Variants in PTPRD observed in about 807,000 individuals in gnomAD.
PTPRD encodes the protein protein tyrosine phosphatase receptor type D.
In PTPRD, 34 loss-of-function variants were observed where a neutral mutation model predicts 214.5. The ratio of observed to expected loss-of-function variants is 0.16; its 90% CI spans 0.12 to 0.21. The LOEUF (loss-of-function observed/expected upper bound fraction) is 0.21. PTPRD is among the 10% of genes least tolerant of loss of function. PTPRD has a pLI of 1.00. For synonymous variants in PTPRD, 1,128 were observed against 845.7 expected (o/e 1.33, Z -5.79); for missense variants, 2,545 against 2,398.7 (o/e 1.06, Z -1.27).
intron 9 of PTPRD, among the ~76,000 whole-genome samples, chr9:9,260,002 G>T (rs1005654864): frequency 5.3e-5 from 8 of 151,840 alleles, no homozygotes; most frequent in African/African-American, 1.9e-4. Flanking sequence ...CCTGATATTT[G>T]CCCTAAATCT....
At chr9:10,363,997 T>TTGTTGC (rs769486650) in intron 2 of PTPRD, among the ~76,000 whole-genome samples, 337 of 31,266 alleles carry the variant, frequency 0.011, 51 homozygotes, top group Middle Eastern at 0.095. Context: ...TCGGGTTTTT[T>TTGTTGC]TTTTTTTTTT....
rs761564011 is a variant in PTPRD at position 8,891,137 on chromosome 9, A to ATTTTTTTTTTTTTTTTTTTTTTTT, written c.-104+127559_-104+127560insAAAAAAAAAAAAAAAAAAAAAAAA. 6.5e-5 allele frequency among the ~76,000 whole-genome samples: 8 copies of ATTTTTTTTTTTTTTTTTTTTTTTT among 123,622 alleles called. 1 individual carries two copies. The highest frequency in any genetic ancestry group is 2.5e-4 in the African/African-American group (8 of 31,654). 81.1% of individuals were successfully genotyped at this position (123,622 alleles called of 152,430 possible). ...AACTTCTGTGCTTTGAATTAATCTA[A>ATTTTTTTTTTTTTTTTTTTTTTTT]TTTTTTTTTTTTTTGAGACTGAGTC... On this transcript the variant is annotated intron_variant, in intron 11 of 45. Coordinates refer to ENST00000381196, the MANE Select transcript of PTPRD (RefSeq NM_002839.4).
chr9:9,161,494 G>A (rs1046133419), intron 10 of PTPRD, among the ~76,000 whole-genome samples: 1 of 152,070 alleles, frequency 6.6e-6, no homozygotes, highest in African/African-American at 2.4e-5. Context: ...TCCAAGCCAG[G>A]CAGTTTAGCA....
intron 6 of PTPRD, among the ~76,000 whole-genome samples, 172 bp from the exon 7 acceptor site, chr9:9,734,743 T>G (rs2098262655): frequency 6.6e-6 from 1 of 152,090 alleles, no homozygotes; most frequent in African/African-American, 2.4e-5. Context: ...TAACTTAAAC[T>G]GAAGTGTTTA....
intron 7 of PTPRD, among the ~76,000 whole-genome samples, chr9:9,580,565 T>C (rs1054972547): frequency 1.4e-5 from 2 of 147,974 alleles, no homozygotes; most frequent in Non-Finnish European, 3.0e-5. Context: ...TTTTTTTTTT[T>C]TGAGACAGAG....
chr9:9,314,964 G>A (rs1460813219), intron 9 of PTPRD, among the ~76,000 whole-genome samples: 2 of 151,772 alleles, frequency 1.3e-5, no homozygotes, highest in Non-Finnish European at 2.9e-5. Flanking sequence ...TCCTGATCTT[G>A]CCTTTCTGCT....
At chr9:10,093,564 C>A (rs1241387379) in intron 3 of PTPRD, among the ~76,000 whole-genome samples, 1 of 151,388 alleles carries the variant, frequency 6.6e-6, no homozygotes, top group Non-Finnish European at 1.5e-5. Context: ...CTTAAAAGTA[C>A]TTTTTGACCT....
At chr9:9,538,946 T>C (rs2077040783) in intron 8 of PTPRD, among the ~76,000 whole-genome samples, 1 of 151,896 alleles carries the variant, frequency 6.6e-6, no homozygotes, top group South Asian at 2.1e-4. Flanking sequence ...GAGTACTTCC[T>C]AGTGCCAGAC....
intron 5 of PTPRD, among the ~76,000 whole-genome samples, chr9:9,880,100 C>A (rs1410965301): frequency 2.0e-5 from 3 of 152,064 alleles, no homozygotes; most frequent in East Asian, 1.9e-4. Flanking sequence ...ATCATGGGGG[C>A]AGTTCCCTGA....
rs115436131 is a variant in PTPRD, at chr9:9,689,409, G to C, written c.-287+45124C>G. Reference sequence around the variant, plus strand: ...ATATATAAGAGATGCACATGTTTCAGGGTTTATGTAACTTTTGATGCATTT... The same window carrying C: ...ATATATAAGAGATGCACATGTTTCACGGTTTATGTAACTTTTGATGCATTT... On this transcript the variant is annotated intron_variant, in intron 7 of 45. Transcript: ENST00000381196. Among the ~76,000 whole-genome samples the C allele has an allele frequency of 2.5e-3, 373 of 151,754 alleles. 1 individual carries two copies. The highest frequency in any genetic ancestry group is 8.6e-3 in the African/African-American group (356 of 41,480).
intron 35 of PTPRD, among the ~76,000 whole-genome samples, chr9:8,429,797 CA>C (rs1431580776): frequency 1.3e-5 from 2 of 152,148 alleles, no homozygotes; most frequent in African/African-American, 4.8e-5. Flanking sequence ...GTGATGAGAA[CA>C]AAACAGATCA....
chr9:10,056,766 T>C (rs76542932), intron 3 of PTPRD, among the ~76,000 whole-genome samples: 3 of 152,134 alleles, frequency 2.0e-5, no homozygotes, highest in East Asian at 1.9e-4. Context: ...ATTCTCCCTA[T>C]GTATGGGTTA....
intron 14 of PTPRD, among the ~76,000 whole-genome samples, chr9:8,531,551 T>A (rs2075697152): frequency 6.6e-6 from 1 of 152,138 alleles, no homozygotes; most frequent in Non-Finnish European, 1.5e-5. Flanking sequence ...AAAAAGCTCT[T>A]AGATTTTGTT....
At chr9:9,353,981 C>A (rs1281397726) in intron 9 of PTPRD, among the ~76,000 whole-genome samples, 1 of 151,480 alleles carries the variant, frequency 6.6e-6, no homozygotes, top group Non-Finnish European at 1.5e-5. Context: ...TGACTGCGGT[C>A]ACTCTTTCTT....
At chr9:8,891,596 C>A (rs1209610488) in intron 11 of PTPRD, among the ~76,000 whole-genome samples, 2 of 152,204 alleles carry the variant, frequency 1.3e-5, no homozygotes, top group African/African-American at 4.8e-5. Flanking sequence ...TGAAAAACAG[C>A]AATTTCTTCT....
chr9:10,265,421 G>C (rs1488162344), intron 3 of PTPRD, among the ~76,000 whole-genome samples: 1 of 152,200 alleles, frequency 6.6e-6, no homozygotes, highest in African/African-American at 2.4e-5. Flanking sequence ...ACATGAGTGA[G>C]TCCAGGAAAA....
intron 8 of PTPRD, among the ~76,000 whole-genome samples, chr9:9,512,519 T>A (rs2096734149): frequency 6.6e-6 from 1 of 151,914 alleles, no homozygotes; most frequent in Non-Finnish European, 1.5e-5. Flanking sequence ...GTAAGGCATT[T>A]CAGTGATAAA....
intron 2 of PTPRD, among the ~76,000 whole-genome samples, chr9:10,362,865 G>C (rs954262977): frequency 6.6e-6 from 1 of 152,288 alleles, no homozygotes; most frequent in South Asian, 2.1e-4. Flanking sequence ...GGGCGACAGA[G>C]TGAGACTTCA....
At chr9:8,749,712 G>A (rs371213616) in intron 11 of PTPRD, among the ~76,000 whole-genome samples, 1 of 152,170 alleles carries the variant, frequency 6.6e-6, no homozygotes. Context: ...CAGTGTTTGT[G>A]CTTTAAAAAT....
Sources: allele counts gnomAD v4.1 joint callset (sites outside exome capture counted in the v4.1 genomes callset), GRCh38; gene constraint gnomAD v4.1.1; transcripts MANE v1.5; gene names NCBI Gene and HGNC (gene_info 2026-07-23, HGNC 2026-07-21).